The following PRKAG1 variants were observed in gnomAD, a reference collection of about 807,000 sequenced individuals.
The protein encoded by PRKAG1 is 5'-AMP-activated protein kinase subunit gamma-1.
PRKAG1 carries 27 observed loss-of-function variants against 48.2 expected under a neutral mutation model. The ratio of observed to expected loss-of-function variants is 0.56; its 90% CI spans 0.41 to 0.77. PRKAG1 has a LOEUF of 0.77. Ranked by LOEUF, PRKAG1 falls within the 30% of genes least tolerant of loss-of-function variation. The probability of loss-of-function intolerance (pLI) is 0.00; values close to 1 mark genes in which losing one functional copy is unlikely to be tolerated. For missense variants in PRKAG1, 287 were observed against 398.3 expected, an observed-to-expected ratio of 0.72 and a Z score of 2.38; for synonymous variants, 130 against 147.7, an observed-to-expected ratio of 0.88 and a Z score of 0.87.
chr12:49,007,128 A>T (rs1485500127), intron 2 of PRKAG1, among the ~76,000 whole-genome samples: 2 of 151,726 alleles, frequency 1.3e-5, no homozygotes, highest in Admixed American at 6.6e-5. Context: ...CTACTAAAAA[A>T]ATATAAAAAT....
chr12:49,004,481 AAAG>A (rs772575950), intron 8 of PRKAG1, 23 bp downstream of exon 8: 2 of 1,608,024 alleles, frequency 1.2e-6, no homozygotes, highest in Non-Finnish European at 1.7e-6. Flanking sequence ...AAAAGAGAAA[AAAG>A]AACTGGGCTG....
intron 2 of PRKAG1, among the ~76,000 whole-genome samples, chr12:49,006,663 C>T (rs1941547622): frequency 2.0e-5 from 3 of 152,296 alleles, no homozygotes; most frequent in Admixed American, 6.5e-5. Context: ...TACTATACTA[C>T]GTGCACTTAA....
chr12:49,004,245 T>G, intron 8 of PRKAG1: 1 of 531,522 alleles, frequency 1.9e-6, no homozygotes, highest in Non-Finnish European at 3.3e-6. Context: ...TGAGCCATGA[T>G]AGCGCCTCTG....
chr12:49,009,604 T>TTTG (rs200184343), intron 2 of PRKAG1, among the ~76,000 whole-genome samples: 1 of 152,152 alleles, frequency 6.6e-6, no homozygotes, highest in Admixed American at 6.5e-5. Context: ...AATAAGGTTT[T>TTTG]TTGTTGTTGT....
chr12:49,018,721 G>A lies in PRKAG1; in HGVS notation c.9+11C>T. ...CCACAGCGCCCCCGACCGCCCTCCTGCACTCCTCACCGTCTCCATTGCAAG... is the reference window on the plus strand; with the variant it reads ...CCACAGCGCCCCCGACCGCCCTCCTACACTCCTCACCGTCTCCATTGCAAG... On this transcript the variant is annotated intron_variant, in intron 1 of 11. Coordinates refer to ENST00000548065, the MANE Select transcript of PRKAG1 (RefSeq NM_002733.5). 8 of 1,613,444 alleles carry A rather than the reference G, an allele frequency of 5.0e-6. No homozygotes were observed. The highest frequency in any genetic ancestry group is 3.4e-6 in the Non-Finnish European group (4 of 1,180,014).
In PRKAG1 at chr12:49,005,979, T is replaced by C. The variant is rs1941521337; in HGVS notation, c.59-127A>G. 11 of 697,870 alleles carry C rather than the reference T, an allele frequency of 1.6e-5. No individual in the cohort carries two copies. Among genetic ancestry groups the C allele is most frequent in the South Asian group, 7.8e-5 (4 of 51,040 alleles). 43.2% of individuals were successfully genotyped at this position (697,870 alleles called of 1,614,324 possible). On this transcript the variant is annotated intron_variant, in intron 2 of 11. Coordinates refer to ENST00000548065, the MANE Select transcript of PRKAG1 (RefSeq NM_002733.5). This position sits in a 1 kb window ranked among gnomAD's most constrained non-coding sequence, Gnocchi z 4.1. ...CATTATTTTTTAATAAGACCCCTTA[T>C]TTTATCTGTCTTGTTCCTATTGTTT... is the stretch of plus-strand genomic sequence containing the variant.
At chr12:49,003,359 A>T in intron 10 of PRKAG1, 69 bp from the exon 11 acceptor site, 1 of 1,594,064 alleles carries the variant, frequency 6.3e-7, no homozygotes, top group Non-Finnish European at 8.6e-7. Context: ...AACCCATCCA[A>T]CCTCAACAGA....
At chr12:49,007,215 A>G (rs993113445) in intron 2 of PRKAG1, among the ~76,000 whole-genome samples, 1 of 150,316 alleles carries the variant, frequency 6.7e-6, no homozygotes, top group Non-Finnish European at 1.5e-5. Flanking sequence ...TGAACCCAGG[A>G]GGTGGAGGTT....
chr12:49,003,491 T>G, intron 10 of PRKAG1, 67 bp downstream of exon 10: 1 of 1,576,022 alleles, frequency 6.3e-7, no homozygotes, highest in South Asian at 1.1e-5. Flanking sequence ...CCCTTCTCCC[T>G]CTCCATATTT....
chr12:49,004,779 G>A, intron 7 of PRKAG1, 146 bp from the exon 8 acceptor site: 2 of 1,365,076 alleles, frequency 1.5e-6, no homozygotes, highest in Admixed American at 3.7e-5. Flanking sequence ...GAAAGAGAGA[G>A]AGAGAGAGAG....
At chr12:49,010,054 C>T (rs1239933374) in intron 2 of PRKAG1, among the ~76,000 whole-genome samples, 2 of 152,034 alleles carry the variant, frequency 1.3e-5, no homozygotes, top group Non-Finnish European at 2.9e-5. Flanking sequence ...TCTGTGTGTA[C>T]ATGAGGTTGG....
chr12:49,018,701 G>T, intron 1 of PRKAG1, 31 bp downstream of exon 1: 1 of 1,613,490 alleles, frequency 6.2e-7, no homozygotes, highest in Non-Finnish European at 8.5e-7. Flanking sequence ...AGGCTCCACA[G>T]CGCCCCCGAC....
intron 2 of PRKAG1, among the ~76,000 whole-genome samples, chr12:49,007,859 C>CT (rs766217437): frequency 0.044 from 5,958 of 136,516 alleles, 401 homozygotes; most frequent in African/African-American, 0.14. Context: ...GTATTTCAAT[C>CT]TTTTTTTTTT....
At position 49,013,122 on chromosome 12, in the gene PRKAG1, A is replaced by C. The variant is rs1941825753; in HGVS notation, c.10-12T>G. 1.2e-6 allele frequency: 2 copies of C among 1,611,886 alleles called. No individual in the cohort carries two copies. Among genetic ancestry groups the C allele is most frequent in the East Asian group, 2.2e-5 (1 of 44,892 alleles). On this transcript the variant is annotated splice_polypyrimidine_tract_variant and intron_variant, in intron 1 of 11. Coordinates refer to ENST00000548065, the MANE Select transcript of PRKAG1 (RefSeq NM_002733.5). Reference sequence around the variant, plus strand: ...TCTGAAGAAATGACCTGGAGAGATAAGAAAACAGATTCAGCTTAACCTGGT... The same window carrying C: ...TCTGAAGAAATGACCTGGAGAGATACGAAAACAGATTCAGCTTAACCTGGT...
chr12:49,015,597 G>A (rs1043481155), intron 1 of PRKAG1, among the ~76,000 whole-genome samples: 3 of 152,098 alleles, frequency 2.0e-5, no homozygotes, highest in Non-Finnish European at 4.4e-5. Context: ...CGGGTGGGCA[G>A]AGTCTCGCTG....
At chr12:49,003,960 C>T (rs747361148) in intron 8 of PRKAG1, 38 bp from the exon 9 acceptor site, 6 of 1,555,718 alleles carry the variant, frequency 3.9e-6, no homozygotes, top group Non-Finnish European at 5.2e-6. Flanking sequence ...TCAAGGCACC[C>T]AAAGCCACCC....
At chr12:49,017,224 A>T (rs755810079) in intron 1 of PRKAG1, 8 of 455,702 alleles carry the variant, frequency 1.8e-5, no homozygotes, top group South Asian at 1.2e-4. Context: ...TTTTGGAGAC[A>T]GGATCTCACT....
At chr12:49,013,475 G>C (rs1383100886) in intron 1 of PRKAG1, among the ~76,000 whole-genome samples, 1 of 151,980 alleles carries the variant, frequency 6.6e-6, no homozygotes, top group African/African-American at 2.4e-5. Context: ...GAACTCCTGG[G>C]CTCAAGTGAT....
chr12:49,005,059 A>C lies in PRKAG1; in HGVS notation c.356-41T>G. 2 of 1,613,424 alleles carry C rather than the reference A, an allele frequency of 1.2e-6. No homozygotes were observed. The highest frequency in any genetic ancestry group is 1.7e-6 in the Non-Finnish European group (2 of 1,179,476). Reference sequence around the variant, plus strand: ...ATGGGTCACAAAATACCACCATGGAAAAGTGTTTCCCAGAAACCCGCCATC... The same window carrying C: ...ATGGGTCACAAAATACCACCATGGACAAGTGTTTCCCAGAAACCCGCCATC... On this transcript the variant is annotated intron_variant, in intron 6 of 11. Transcript: ENST00000548065. This position sits in a 1 kb window ranked among gnomAD's most constrained non-coding sequence, Gnocchi z 4.1.
Sources: allele counts gnomAD v4.1 joint callset (sites outside exome capture counted in the v4.1 genomes callset), GRCh38; gene constraint gnomAD v4.1.1; non-coding constraint Gnocchi (gnomAD v3.1); transcripts MANE v1.5; gene names NCBI Gene and HGNC (gene_info 2026-07-23, HGNC 2026-07-21).